The following ARHGAP18 variants were observed in gnomAD, a reference collection of about 807,000 sequenced individuals.
ARHGAP18 encodes the protein rho GTPase-activating protein 18.
ARHGAP18 carries 67 observed loss-of-function variants against 86.2 expected under a neutral mutation model. The ratio of observed to expected loss-of-function variants is 0.78; its 90% CI spans 0.64 to 0.95. The LOEUF (loss-of-function observed/expected upper bound fraction) is 0.95, where lower values mean the gene tolerates loss of function less well. Among genes scored for constraint, ARHGAP18 ranks in the 40% least tolerant of loss-of-function variants. The probability of loss-of-function intolerance (pLI) is 0.00; values close to 1 mark genes in which losing one functional copy is unlikely to be tolerated. For missense variants in ARHGAP18, 691 were observed against 780.4 expected (o/e 0.89, Z 1.37); for synonymous variants, 283 against 280.4 (o/e 1.01, Z -0.09).
At chr6:129,617,196 A>G (rs1789115895) in intron 6 of ARHGAP18, among the ~76,000 whole-genome samples, 1 of 152,216 alleles carries the variant, frequency 6.6e-6, no homozygotes, top group Admixed American at 6.5e-5. Flanking sequence ...ATTTTTCTAA[A>G]TTAAAATCAT....
At chr6:129,664,355 G>A (rs1056793140) in intron 1 of ARHGAP18, among the ~76,000 whole-genome samples, 4 of 151,914 alleles carry the variant, frequency 2.6e-5, no homozygotes, top group Non-Finnish European at 5.9e-5. Flanking sequence ...TACCCTCAAT[G>A]GATCATGGTT....
At chr6:129,705,664 G>T (rs57574422) in intron 1 of ARHGAP18, among the ~76,000 whole-genome samples, 9,914 of 152,216 alleles carry the variant, frequency 0.065, 497 homozygotes, top group East Asian at 0.23. Flanking sequence ...AAACAAGGGA[G>T]AATATTCTAT....
At chr6:129,639,590 A>G (rs987859465) in intron 2 of ARHGAP18, among the ~76,000 whole-genome samples, 3 of 152,240 alleles carry the variant, frequency 2.0e-5, no homozygotes, top group Admixed American at 1.3e-4. Context: ...GATAGACTGT[A>G]TCACATGGTA....
chr6:129,680,740 G>T (rs547494837), intron 1 of ARHGAP18, among the ~76,000 whole-genome samples: 2 of 152,236 alleles, frequency 1.3e-5, no homozygotes, highest in Non-Finnish European at 2.9e-5. Flanking sequence ...TCATCCAGGG[G>T]ACATGCTCCT....
chr6:129,600,854 A>G lies in ARHGAP18; in HGVS notation c.1366-6T>C, dbSNP rs967178034. On this transcript the variant is annotated splice_polypyrimidine_tract_variant and splice_region_variant and intron_variant, in intron 10 of 14. Transcript: ENST00000368149. Reference sequence around the variant, plus strand: ...TGGAGAAATTCAAGAAGGGCCTGAAACAGAAATGACTCTTTGAGATTTGTG... The same window carrying G: ...TGGAGAAATTCAAGAAGGGCCTGAAGCAGAAATGACTCTTTGAGATTTGTG... 2 of 1,602,088 alleles carry G rather than the reference A, an allele frequency of 1.2e-6. No homozygotes were observed. The highest frequency in any genetic ancestry group is 2.7e-5 in the African/African-American group (2 of 74,472).
intron 1 of ARHGAP18, among the ~76,000 whole-genome samples, chr6:129,645,268 G>A (rs76327611): frequency 0.078 from 11,846 of 152,078 alleles, 577 homozygotes; most frequent in African/African-American, 0.14. Flanking sequence ...CTAAAAGTCT[G>A]GACCTTCCTA....
At position 129,633,434 on chromosome 6, in the gene ARHGAP18, C is replaced by CAAAA. The variant is rs34853507; in HGVS notation, c.616+604_616+607dup. On this transcript the variant is annotated intron_variant, in intron 4 of 14. Transcript: ENST00000368149. Reference sequence around the variant, plus strand: ...TGGGAGACAGAGCAAGACTCCACCTCAAAAAAAAAAAAAAAAAAGTTACTT... The same window carrying CAAAA: ...TGGGAGACAGAGCAAGACTCCACCTCAAAAAAAAAAAAAAAAAAAAAAGTTACTT... Among the ~76,000 whole-genome samples the CAAAA allele has an allele frequency of 6.9e-4, 72 of 104,392 alleles. 2 individuals are homozygous for CAAAA. The highest frequency in any genetic ancestry group is 1.6e-3 in the East Asian group (5 of 3,162). The allele number at this position is 104,392 out of a possible 152,430, so 68.5% of individuals were successfully genotyped here. A position where few individuals can be genotyped will look rare whatever the true frequency, so the allele number is the denominator to read the frequency against.
chr6:129,655,337 A>AAAAAAAAAAAAAAAG (rs1773809682), intron 1 of ARHGAP18, among the ~76,000 whole-genome samples: 1 of 98,700 alleles, frequency 1.0e-5, no homozygotes, highest in East Asian at 3.1e-4. Flanking sequence ...AAAAAAAAAA[A>AAAAAAAAAAAAAAAG]AAAAGAAAAG....
At chr6:129,623,384 T>C (rs898024410) in intron 5 of ARHGAP18, among the ~76,000 whole-genome samples, 3 of 152,158 alleles carry the variant, frequency 2.0e-5, no homozygotes, top group African/African-American at 4.8e-5. Context: ...ATATAACATG[T>C]ATACACTAAG....
intron 1 of ARHGAP18, among the ~76,000 whole-genome samples, chr6:129,686,304 T>C (rs1460290316): frequency 6.6e-6 from 1 of 152,130 alleles, no homozygotes; most frequent in East Asian, 1.9e-4. Flanking sequence ...CTTTGCACTG[T>C]CCCCTACAGG....
intron 1 of ARHGAP18, among the ~76,000 whole-genome samples, chr6:129,653,021 G>A (rs970963383): frequency 6.6e-6 from 1 of 152,042 alleles, no homozygotes; most frequent in Non-Finnish European, 1.5e-5. Flanking sequence ...AAAAAAATCT[G>A]ATAATAACGA....
chr6:129,644,465 T>G (rs1229505510), intron 1 of ARHGAP18, among the ~76,000 whole-genome samples: 1 of 152,222 alleles, frequency 6.6e-6, no homozygotes, highest in African/African-American at 2.4e-5. Context: ...CTTACCAGGA[T>G]AGCTAATGTT....
intron 13 of ARHGAP18, among the ~76,000 whole-genome samples, chr6:129,580,963 G>C (rs1788274633): frequency 6.6e-6 from 1 of 152,126 alleles, no homozygotes; most frequent in South Asian, 2.1e-4. Flanking sequence ...AGCAAATTAT[G>C]TCATTATCTT....
In ARHGAP18 at chr6:129,673,855, A is replaced by T. The variant is rs200592964; in HGVS notation, c.114-31837T>A. Reference sequence around the variant, plus strand: ...AACTGCAATGCAGAAAAGGAAGTAGATATATTATCTCAAATCTTCTAAACT... The same window carrying T: ...AACTGCAATGCAGAAAAGGAAGTAGTTATATTATCTCAAATCTTCTAAACT... On this transcript the variant is annotated intron_variant, in intron 1 of 14. Transcript: ENST00000368149. Among the ~76,000 whole-genome samples, 18 of 152,308 alleles carry T rather than the reference A, an allele frequency of 1.2e-4. No homozygotes were observed. The East Asian group carries it at 3.5e-3, about 29-fold the overall frequency.
intron 12 of ARHGAP18, among the ~76,000 whole-genome samples, chr6:129,594,603 C>T (rs953813907): frequency 1.3e-5 from 2 of 152,140 alleles, no homozygotes; most frequent in African/African-American, 4.8e-5. Flanking sequence ...GCCCCTGTAG[C>T]CGACTCACAC....
chr6:129,589,864 T>G (rs1310445248), intron 12 of ARHGAP18, among the ~76,000 whole-genome samples: 1 of 152,072 alleles, frequency 6.6e-6, no homozygotes, highest in Non-Finnish European at 1.5e-5. Flanking sequence ...ACCTCAAAAG[T>G]GGGGAAGCTG....
chr6:129,630,165 A>G (rs1773170710), intron 4 of ARHGAP18, among the ~76,000 whole-genome samples: 1 of 152,222 alleles, frequency 6.6e-6, no homozygotes, highest in Non-Finnish European at 1.5e-5. Flanking sequence ...AACTGTAAAT[A>G]CCAGTCAAAT....
At chr6:129,670,821 C>T (rs1045612705) in intron 1 of ARHGAP18, among the ~76,000 whole-genome samples, 2 of 151,960 alleles carry the variant, frequency 1.3e-5, no homozygotes, top group African/African-American at 2.4e-5. Context: ...CCCAGCTCCC[C>T]GTCAAGACCC....
chr6:129,699,974 C>T (rs1215126578), intron 1 of ARHGAP18, among the ~76,000 whole-genome samples: 1 of 152,138 alleles, frequency 6.6e-6, no homozygotes, highest in East Asian at 1.9e-4. Context: ...ACTAACAGTA[C>T]AGTTTTCAAA....
Sources: gnomAD v4.1 joint callset for allele counts (sites outside exome capture counted in the v4.1 genomes callset) on GRCh38, gnomAD v4.1.1 for gene constraint, MANE v1.5 for transcripts, NCBI Gene and HGNC (gene_info 2026-07-23, HGNC 2026-07-21) for gene names.